MST1R: variants seen among roughly 807,000 people sequenced by gnomAD.
MST1R encodes macrophage stimulating 1 receptor.
Under a neutral mutation model 117.8 loss-of-function variants are expected in MST1R, and 99 were observed. The observed-to-expected ratio is 0.84, with a 90% CI of 0.71 to 0.99. The LOEUF (loss-of-function observed/expected upper bound fraction) is 0.99, where lower values mean the gene tolerates loss of function less well. Ranked by LOEUF, MST1R falls within the 50% of genes least tolerant of loss-of-function variation. The pLI is 0.00. For missense variants in MST1R, 1,683 were observed against 1,840.2 expected (o/e 0.91, Z 1.56); for synonymous variants, 734 against 765.3 (o/e 0.96, Z 0.68).
Position 49,903,675 on chromosome 3 carries a change from T to G in MST1R, c.-66A>C. 1 of 1,507,544 alleles carries G rather than the reference T, an allele frequency of 6.6e-7. No homozygotes were observed. Among genetic ancestry groups the G allele is most frequent in the Non-Finnish European group, 8.8e-7 (1 of 1,137,400 alleles). 93.4% of individuals were successfully genotyped at this position (1,507,544 alleles called of 1,614,324 possible). A position where few individuals can be genotyped will look rare whatever the true frequency, so the allele number is the denominator to read the frequency against. On this transcript the variant is annotated 5_prime_UTR_variant, in exon 1 of 20. Transcript: ENST00000296474. ...GCCTGGACCTGGGCGTGGGCCTGGC[T>G]GGGGGCCCGACTCGAGGTCTGGACT...
At chr3:49,897,458 A>T (rs2082516816) in intron 6 of MST1R, 42 bp from the exon 7 acceptor site, 1 of 1,609,620 alleles carries the variant, frequency 6.2e-7, no homozygotes, top group African/African-American at 1.3e-5. Flanking sequence ...CCTCCACTCC[A>T]AGCCCCTCCC....
rs1413843084 is a variant in MST1R at position 49,897,231 on chromosome 3, C to T, written c.2183+49G>A. 6 of 1,552,462 alleles carry T rather than the reference C, an allele frequency of 3.9e-6. No individual in the cohort carries two copies. In the African/African-American group the frequency reaches 8.2e-5, roughly 21 times the overall value. ...TCCATCCTGACAGAATCCGGGTCCC[C>T]ACCTGGATAGAACCCTGCGGCCTCC... On this transcript the variant is annotated intron_variant, in intron 7 of 19. Transcript: ENST00000296474.
intron 1 of MST1R, among the ~76,000 whole-genome samples, chr3:49,901,583 A>T (rs893270429): frequency 6.6e-6 from 1 of 152,160 alleles, no homozygotes; most frequent in African/African-American, 2.4e-5. Flanking sequence ...GCACAAGACT[A>T]GAGTGAGGCT....
At chr3:49,896,460 C>T (rs1419041536) in intron 9 of MST1R, 56 bp from the exon 10 acceptor site, 34 of 1,606,344 alleles carry the variant, frequency 2.1e-5, no homozygotes, top group Admixed American at 3.3e-5. Flanking sequence ...GATTGCTCCT[C>T]GCCTCAGCCC....
intron 1 of MST1R, among the ~76,000 whole-genome samples, chr3:49,900,087 A>G (rs565378535): frequency 1.3e-5 from 2 of 152,172 alleles, no homozygotes; most frequent in Non-Finnish European, 2.9e-5. Flanking sequence ...AAGGGGCTGA[A>G]TGCTGGAGTT....
Position 49,903,217 on chromosome 3 carries a change from C to G in MST1R, c.393G>C (p.Ala131=), listed in dbSNP as rs780104920. ...GCAGGCTGGAGCCACAACTGACCAGCGCAGGCAGCGCGGGATCCAGCACCA... is the reference window on the plus strand; with the variant it reads ...GCAGGCTGGAGCCACAACTGACCAGGGCAGGCAGCGCGGGATCCAGCACCA... The part of the protein sequence containing the change: ...KVLVLDPALP[A]LVSCGSSLQG... Residue 131 remains alanine, a synonymous_variant, in exon 1 of 20, where the codon GCG becomes GCC. Coordinates refer to ENST00000296474, the MANE Select transcript of MST1R (RefSeq NM_002447.4). 1 of 1,606,814 alleles carries G rather than the reference C, an allele frequency of 6.2e-7. No individual in the cohort carries two copies. Among genetic ancestry groups the G allele is most frequent in the East Asian group, 2.2e-5 (1 of 44,888 alleles).
Position 49,895,350 on chromosome 3 carries a change from C to A in MST1R, c.3088G>T (p.Asp1030Tyr). Residue 1030 changes from aspartate (D) to tyrosine (Y), a missense_variant, in exon 14 of 20, where the codon GAT (aspartate) becomes TAT (tyrosine). Asp to Tyr is a radical substitution (Grantham distance 160). Coordinates refer to ENST00000296474, the MANE Select transcript of MST1R (RefSeq NM_002447.4). ...GLALPAIDGL[D>Y]STTCVHGASF... ...GCTCCATGGACACAAGTGGTGGAATCCAGACCATCAATGGCAGGGAGTGCT... is the reference window on the plus strand; with the variant it reads ...GCTCCATGGACACAAGTGGTGGAATACAGACCATCAATGGCAGGGAGTGCT... 6.2e-7 allele frequency: 1 copy of A among 1,614,204 alleles called. No homozygotes were observed. Among genetic ancestry groups the A allele is most frequent in the Non-Finnish European group, 8.5e-7 (1 of 1,180,048 alleles).
chr3:49,903,674 C>A lies in MST1R; in HGVS notation c.-65G>T. ...GGCCTGGACCTGGGCGTGGGCCTGG[C>A]TGGGGGCCCGACTCGAGGTCTGGAC... On this transcript the variant is annotated 5_prime_UTR_variant, in exon 1 of 20. Coordinates refer to ENST00000296474, the MANE Select transcript of MST1R (RefSeq NM_002447.4). 2 of 1,508,022 alleles carry A rather than the reference C, an allele frequency of 1.3e-6. No individual in the cohort carries two copies. The highest frequency in any genetic ancestry group is 1.8e-6 in the Non-Finnish European group (2 of 1,137,764). The allele number at this position is 1,508,022 out of a possible 1,614,324, so 93.4% of individuals were successfully genotyped here.
rs773959075 is a variant in MST1R at position 49,890,646 on chromosome 3, C to A, written c.3649G>T (p.Asp1217Tyr). 3.7e-6 allele frequency: 6 copies of A among 1,610,792 alleles called. No homozygotes were observed. The highest frequency in any genetic ancestry group is 1.1e-5 in the South Asian group (1 of 90,654). ...RDLAARNCML[D>Y]ESFTVKVADF... ...GCCACCTTGACTGTGAATGACTCGT[C>A]CAGCCTTAGGGGTAGGGAGAGGATC... The change falls in exon 18 of 20, where the codon GAC (aspartate) becomes TAC (tyrosine). Residue 1217 changes from aspartate (D) to tyrosine (Y), a missense_variant. Physicochemically the swap from Asp to Tyr is radical, Grantham distance 160 (BLOSUM62 -3). Coordinates refer to ENST00000296474, the MANE Select transcript of MST1R (RefSeq NM_002447.4).
chr3:49,902,525 G>A lies in MST1R; in HGVS notation c.1085C>T (p.Pro362Leu), dbSNP rs766813181. 1 of 1,614,124 alleles carries A rather than the reference G, an allele frequency of 6.2e-7. No individual in the cohort carries two copies. Among genetic ancestry groups the A allele is most frequent in the South Asian group, 1.1e-5 (1 of 91,088 alleles). Reference protein sequence around the residue: ...TGKDGGPGVGPNSVVCAFPID... With the variant: ...TGKDGGPGVGLNSVVCAFPID... ...GGGGAAGGCACAGACGACAGAGTTG[G>A]GGCCCACGCCAGGACCACCATCCTT... Residue 362 changes from proline (P) to leucine (L), a missense_variant, in exon 1 of 20, where the codon CCC (proline) becomes CTC (leucine). Transcript: ENST00000296474.
At chr3:49,887,636 CCT>C in intron 19 of MST1R, 74 bp from the exon 20 acceptor site, 1 of 1,546,190 alleles carries the variant, frequency 6.5e-7, no homozygotes, top group Non-Finnish European at 8.8e-7. Context: ...TGCTGTTAAA[CCT>C]CTGGCAGGCC....
At chr3:49,892,883 C>A (rs111873781) in intron 14 of MST1R, among the ~76,000 whole-genome samples, 1 of 151,824 alleles carries the variant, frequency 6.6e-6, no homozygotes, top group African/African-American at 2.4e-5. Context: ...ATGCTTGAAT[C>A]CAGGAGGCAG....
chr3:49,892,597 G>A (rs1028278642), intron 14 of MST1R, among the ~76,000 whole-genome samples: 2 of 150,880 alleles, frequency 1.3e-5, no homozygotes, highest in East Asian at 2.0e-4. Context: ...GCTGAGGCAA[G>A]AGAATCGCAT....
intron 17 of MST1R, 105 bp downstream of exon 17, chr3:49,891,092 A>T (rs2082301122): frequency 1.0e-6 from 1 of 993,552 alleles, no homozygotes; most frequent in South Asian, 1.4e-5. Flanking sequence ...AGGTGCAGAG[A>T]GGGGAGGACA....
At position 49,903,595 on chromosome 3, in the gene MST1R, CG is replaced by C; in HGVS notation, c.14del (p.Pro5ArgfsTer38). 1.9e-6 allele frequency: 3 copies of C among 1,564,022 alleles called. No individual in the cohort carries two copies. The highest frequency in any genetic ancestry group is 2.6e-6 in the Non-Finnish European group (3 of 1,161,114). The stretch of plus-strand genomic sequence containing the variant: ...GCAACAGGAAGGACTGAGGCAGCGG[CG>C]GGAGGAGCTCCATCGAGGCGAGCTG... MELL[P>X]PLPQSFLLLL... On this transcript the variant is annotated frameshift_variant, in exon 1 of 20. Transcript: ENST00000296474. LOFTEE classifies it high-confidence loss of function.
chr3:49,899,951 G>A (rs1443224235), intron 1 of MST1R, among the ~76,000 whole-genome samples: 2 of 152,108 alleles, frequency 1.3e-5, no homozygotes, highest in Non-Finnish European at 2.9e-5. Context: ...CCCTCAAGAG[G>A]AGAGCCCAGT....
Position 49,896,043 on chromosome 3 carries a change from C to T in MST1R, c.2714G>A (p.Cys905Tyr), listed in dbSNP as rs2108441022. 1 of 1,609,176 alleles carries T rather than the reference C, an allele frequency of 6.2e-7. No homozygotes were observed. Among genetic ancestry groups the T allele is most frequent in the Non-Finnish European group, 8.5e-7 (1 of 1,177,528 alleles). Residue 905 changes from cysteine to tyrosine, a missense_variant, in exon 11 of 20, where the codon TGC becomes TAC. By Grantham distance (194) the Cys-to-Tyr change is radical. Transcript: ENST00000296474. ...CATGTCCCCCCGGAACTCGTGCTGG[C>T]AGCTCTCACCACCCACGGTCACGTT... ...GINVTVGGES[C>Y]QHEFRGDMVV...
rs1299699934 is a variant in MST1R, at chr3:49,902,713, G to A, written c.897C>T (p.Asp299=). The change falls in exon 1 of 20, where the codon GAC becomes GAT. Residue 299 remains aspartate (D), a synonymous_variant. Transcript: ENST00000296474. ...GCCTGCGTTTTGGAGCAAATCTGCA[G>A]TCGAGGACCAGCTCCCGATAGTCAC... The part of the protein sequence containing the change: ...ELGDYRELVL[D]CRFAPKRRRR... 2 of 1,613,514 alleles carry A rather than the reference G, an allele frequency of 1.2e-6. No homozygotes were observed. Among genetic ancestry groups the A allele is most frequent in the Non-Finnish European group, 1.7e-6 (2 of 1,180,052 alleles).
Position 49,897,692 on chromosome 3 carries a change from C to A in MST1R, c.1881-7G>T. 6.2e-7 allele frequency: 1 copy of A among 1,606,880 alleles called. No homozygotes were observed. ...GTCTTTCCGGGGCACTGGTCTGGGG[C>A]ACCAGGGGAACCCCTGAGGTCAGCC... On this transcript the variant is annotated splice_polypyrimidine_tract_variant and splice_region_variant and intron_variant, in intron 5 of 19. Coordinates refer to ENST00000296474, the MANE Select transcript of MST1R (RefSeq NM_002447.4).
Sources: allele counts gnomAD v4.1 joint callset (sites outside exome capture counted in the v4.1 genomes callset), GRCh38; gene constraint gnomAD v4.1.1; transcripts MANE v1.5; gene names NCBI Gene and HGNC (gene_info 2026-07-23, HGNC 2026-07-21).